The following NFASC variants were observed in gnomAD, a reference collection of about 807,000 sequenced individuals.
NFASC encodes the protein neurofascin.
Under a neutral mutation model 147.5 loss-of-function variants are expected in NFASC, and 43 were observed. The ratio of observed to expected loss-of-function variants is 0.29; its 90% CI spans 0.23 to 0.38. The LOEUF is 0.38. Among genes scored for constraint, NFASC ranks in the 10% least tolerant of loss-of-function variants. The pLI, the probability that NFASC is intolerant of heterozygous loss-of-function variation, is 1.00. For missense variants in NFASC, 1,320 were observed against 1,689.0 expected, an observed-to-expected ratio of 0.78 and a Z score of 3.83; for synonymous variants, 622 against 665.5, an observed-to-expected ratio of 0.93 and a Z score of 1.01.
chr1:204,994,855 G>A (rs1023680106), intron 24 of NFASC, among the ~76,000 whole-genome samples: 6 of 152,100 alleles, frequency 3.9e-5, no homozygotes, highest in East Asian at 1.9e-4. Flanking sequence ...AAGGAACTCC[G>A]GCAGGTGCAC....
intron 1 of NFASC, among the ~76,000 whole-genome samples, chr1:204,860,998 T>G (rs2076611450): frequency 6.6e-6 from 1 of 152,068 alleles, no homozygotes; most frequent in South Asian, 2.1e-4. Context: ...TTTGGGTTTT[T>G]TTTTCTACCT....
At chr1:204,900,096 C>T (rs1430942158) in intron 1 of NFASC, among the ~76,000 whole-genome samples, 2 of 152,126 alleles carry the variant, frequency 1.3e-5, no homozygotes, top group African/African-American at 4.8e-5. Context: ...CTTTTCTCCA[C>T]TCATGGTGTG....
At position 205,019,895 on chromosome 1, in the gene NFASC, G is replaced by C. The variant is rs1218631195; in HGVS notation, c.*3356G>C. ...CTTGAATACCTCTTTCTACAGAGAG[G>C]CACGGGCTCCCCTGAAGGATTGTCG... On this transcript the variant is annotated 3_prime_UTR_variant, in exon 30 of 30. Transcript: ENST00000339876. 6.6e-6 allele frequency: 1 copy of C among 152,206 alleles called. No individual in the cohort carries two copies. The highest frequency in any genetic ancestry group is 6.5e-5 in the Admixed American group (1 of 15,278). The allele number at this position is 152,206 out of a possible 1,614,324, so 9.4% of individuals were successfully genotyped here.
intron 1 of NFASC, among the ~76,000 whole-genome samples, chr1:204,873,080 T>C (rs892994073): frequency 3.3e-5 from 5 of 152,114 alleles, no homozygotes; most frequent in East Asian, 1.9e-4. Context: ...TTGGTGTCCA[T>C]AAGAAGGACT....
chr1:204,913,018 A>AC (rs2088043610), intron 1 of NFASC, among the ~76,000 whole-genome samples: 1 of 152,194 alleles, frequency 6.6e-6, no homozygotes, highest in Non-Finnish European at 1.5e-5. Flanking sequence ...ACAGAGCAAG[A>AC]CCCCATCTCA....
At chr1:204,927,970 G>C (rs141843071) in intron 2 of NFASC, among the ~76,000 whole-genome samples, 2 of 152,320 alleles carry the variant, frequency 1.3e-5, no homozygotes, top group African/African-American at 2.4e-5. Flanking sequence ...GCTCTTCTCC[G>C]TGGTGGTGGG....
At chr1:204,920,514 A>T (rs2090236153) in intron 1 of NFASC, 118 bp from the exon 2 acceptor site, 1 of 388,198 alleles carries the variant, frequency 2.6e-6, no homozygotes, top group South Asian at 2.1e-5. Context: ...TTACCAATGG[A>T]TGTGGACAAA....
At chr1:204,899,965 T>C (rs1187257039) in intron 1 of NFASC, among the ~76,000 whole-genome samples, 2 of 152,252 alleles carry the variant, frequency 1.3e-5, no homozygotes, top group East Asian at 1.9e-4. Flanking sequence ...GGTGTCATGA[T>C]AATATGTACT....
chr1:204,845,817 G>A (rs1422457589), intron 1 of NFASC, among the ~76,000 whole-genome samples: 8 of 152,284 alleles, frequency 5.3e-5, no homozygotes, highest in African/African-American at 1.2e-4. Flanking sequence ...CAGGAGGATC[G>A]CTTGAGCCCA....
In NFASC at chr1:204,954,847, A is replaced by G. The variant is rs2094350057; in HGVS notation, c.431A>G (p.Lys144Arg). 6.2e-7 allele frequency: 1 copy of G among 1,614,174 alleles called. No homozygotes were observed. Among genetic ancestry groups the G allele is most frequent in the South Asian group, 1.1e-5 (1 of 91,082 alleles). ...LQVSKSPLWPKENLDPVVVQE... is the reference protein window; with the variant it reads ...LQVSKSPLWPRENLDPVVVQE... ...TCTCCAGAATCTCCTCTGTGGCCCA[A>G]GGAAAACCTAGACCCTGTCGTGGTC... Residue 144 changes from lysine to arginine, a missense_variant, in exon 7 of 30, where the codon AAG (lysine) becomes AGG (arginine). This residue lies in a region of NFASC where 981 missense variants were observed against 1,289.5 expected (regional missense o/e 0.76). Coordinates refer to ENST00000339876, the MANE Select transcript of NFASC (RefSeq NM_001005388.3). This position sits in a 1 kb window ranked among gnomAD's most constrained non-coding sequence, Gnocchi z 5.7.
intron 1 of NFASC, among the ~76,000 whole-genome samples, chr1:204,869,192 G>A (rs1182856877): frequency 1.3e-5 from 2 of 152,184 alleles, no homozygotes; most frequent in East Asian, 1.9e-4. Flanking sequence ...CTCAGTATGA[G>A]CCAATAGTGG....
At chr1:204,928,945 C>CA (rs2092051615) in intron 2 of NFASC, among the ~76,000 whole-genome samples, 1 of 152,176 alleles carries the variant, frequency 6.6e-6, no homozygotes, top group South Asian at 2.1e-4. Context: ...TCATGGTGGT[C>CA]ACCTAGAGGG....
chr1:204,973,156 C>T (rs2095307836), intron 11 of NFASC, 120 bp from the exon 12 acceptor site: 5 of 1,016,686 alleles, frequency 4.9e-6, no homozygotes, highest in Non-Finnish European at 7.4e-6. Flanking sequence ...GTCATCTGGC[C>T]CCCCATCTGG....
rs770922566 is a variant in NFASC, at chr1:205,016,617, C to T, written c.*78C>T. 3.1e-6 allele frequency: 3 copies of T among 981,962 alleles called. No individual in the cohort carries two copies. The highest frequency in any genetic ancestry group is 4.8e-6 in the Non-Finnish European group (3 of 619,340). 60.8% of individuals were successfully genotyped at this position (981,962 alleles called of 1,614,324 possible). On this transcript the variant is annotated 3_prime_UTR_variant, in exon 30 of 30. Transcript: ENST00000339876. The surrounding 1 kb of genome is among the most constrained non-coding windows in gnomAD (Gnocchi z 5.1). ...GGGAGACAAAACCACTGCAGACCTA[C>T]CACGAAGCCACCACCACCTTCAGTA...
chr1:205,013,359 C>T (rs1000085741), intron 29 of NFASC, among the ~76,000 whole-genome samples: 3 of 152,104 alleles, frequency 2.0e-5, no homozygotes, highest in African/African-American at 4.8e-5. Context: ...GATTCCAGGT[C>T]GTTTCTCCTT....
chr1:205,009,754 T>C lies in NFASC; in HGVS notation c.3421+66T>C, dbSNP rs576310281. 34 of 1,531,722 alleles carry C rather than the reference T, an allele frequency of 2.2e-5. No homozygotes were observed. In the Admixed American group the frequency reaches 3.3e-4, roughly 15 times the overall value. The allele number at this position is 1,531,722 out of a possible 1,614,324, so 94.9% of individuals were successfully genotyped here. A position where few individuals can be genotyped will look rare whatever the true frequency, so the allele number is the denominator to read the frequency against. On this transcript the variant is annotated intron_variant, in intron 28 of 29. Transcript: ENST00000339876. ...GTCCACTTTCCCGTGAGTCTCCAGG[T>C]CTCCAGCCAGATCCGGGGAATGTGT...
At chr1:204,878,327 C>T (rs2079446781) in intron 1 of NFASC, among the ~76,000 whole-genome samples, 1 of 152,100 alleles carries the variant, frequency 6.6e-6, no homozygotes, top group South Asian at 2.1e-4. Context: ...AACACTCTTT[C>T]TCTACACCAA....
chr1:204,837,997 C>G (rs1450340744), intron 1 of NFASC, among the ~76,000 whole-genome samples: 1 of 152,146 alleles, frequency 6.6e-6, no homozygotes, highest in African/African-American at 2.4e-5. Flanking sequence ...AATGCACACC[C>G]TCTATTCAGC....
At chr1:204,983,159 G>A (rs908471976) in intron 21 of NFASC, among the ~76,000 whole-genome samples, 6 of 152,156 alleles carry the variant, frequency 3.9e-5, no homozygotes, top group Non-Finnish European at 8.8e-5. Context: ...TCTACCCTGC[G>A]GCCCACGCTC....
Sources: gnomAD v4.1 joint callset for allele counts (sites outside exome capture counted in the v4.1 genomes callset) on GRCh38, gnomAD v4.1.1 for gene constraint, gnomAD v4.1.1 regional missense constraint, Gnocchi (gnomAD v3.1) non-coding constraint, MANE v1.5 for transcripts, NCBI Gene and HGNC (gene_info 2026-07-23, HGNC 2026-07-21) for gene names.